Variants in CNTF observed in about 807,000 individuals in gnomAD.
CNTF encodes ciliary neurotrophic factor.
Under a neutral mutation model 13.0 loss-of-function variants are expected in CNTF, and 14 were observed. The observed-to-expected ratio is 1.07, with a 90% CI of 0.71 to 1.68. CNTF has a LOEUF of 1.68. Among genes scored for constraint, CNTF ranks in the 40% most tolerant of loss-of-function variants. The pLI is 0.00. For synonymous variants in CNTF, 98 were observed against 92.4 expected, an observed-to-expected ratio of 1.06 and a Z score of -0.35; for missense variants, 283 against 252.5, an observed-to-expected ratio of 1.12 and a Z score of -0.82.
At position 58,624,696 on chromosome 11, in the gene CNTF, T is replaced by G; in HGVS notation, c.*174T>G. ...AAGGACTACAGGTATTTTCATCAAG[T>G]AGCGTTGGAGACATACACAAATGGG... On this transcript the variant is annotated 3_prime_UTR_variant, in exon 2 of 2. Transcript: ENST00000361987. The G allele has an allele frequency of 1.4e-6, 1 of 702,242 alleles. No homozygotes were observed. Among genetic ancestry groups the G allele is most frequent in the African/African-American group, 1.8e-5 (1 of 55,786 alleles). The allele number at this position is 702,242 out of a possible 1,614,324, so 43.5% of individuals were successfully genotyped here.
chr11:58,624,050 T>C lies in CNTF; in HGVS notation c.131T>C (p.Leu44Pro). ...CTCGGCCAGGTGAAGCATCAGGGCC[T>C]GAACAAGAACATCAACCTGGACTCT... Reference protein sequence around the residue: ...LTESYVKHQGLNKNINLDSAD... With the variant: ...LTESYVKHQGPNKNINLDSAD... Residue 44 changes from leucine (L) to proline (P), a missense_variant, in exon 2 of 2, where the codon CTG (leucine) becomes CCG (proline). Transcript: ENST00000361987. 6.2e-7 allele frequency: 1 copy of C among 1,612,268 alleles called. No individual in the cohort carries two copies. Among genetic ancestry groups the C allele is most frequent in the Non-Finnish European group, 8.5e-7 (1 of 1,179,096 alleles).
rs1855897286 is a variant in CNTF at position 58,624,306 on chromosome 11, C to T, written c.387C>T (p.Leu129=). 1.2e-6 allele frequency: 2 copies of T among 1,613,650 alleles called. No individual in the cohort carries two copies. The highest frequency in any genetic ancestry group is 1.1e-5 in the South Asian group (1 of 91,050). The change falls in exon 2 of 2, where the codon CTC becomes CTT. Residue 129 remains leucine (L), a synonymous_variant. Transcript: ENST00000361987. The part of the protein sequence containing the change: ...FAYQIEELMI[L]LEYKIPRNEA... The stretch of plus-strand genomic sequence containing the variant: ...ACCAGATAGAGGAGTTAATGATACT[C>T]CTGGAATACAAGATCCCCCGCAATG...
In CNTF at chr11:58,624,625, A is replaced by G; in HGVS notation, c.*103A>G. ...TTAAATTTCTAAAAACAGTTAAGAC[A>G]ACAGGCATTTTCTTTCTTTTTTCTC... On this transcript the variant is annotated 3_prime_UTR_variant, in exon 2 of 2. Transcript: ENST00000361987. The G allele has an allele frequency of 7.1e-7, 1 of 1,408,706 alleles. No homozygotes were observed. Among genetic ancestry groups the G allele is most frequent in the Non-Finnish European group, 9.8e-7 (1 of 1,017,012 alleles). The allele number at this position is 1,408,706 out of a possible 1,614,324, so 87.3% of individuals were successfully genotyped here.
In CNTF at chr11:58,622,841, AC is replaced by A. The variant is rs2134433958; in HGVS notation, c.91del (p.Leu31Ter). 2 of 1,613,836 alleles carry A rather than the reference AC, an allele frequency of 1.2e-6. No homozygotes were observed. Among genetic ancestry groups the A allele is most frequent in the East Asian group, 4.5e-5 (2 of 44,878 alleles). ...SIWLARKIRS[D>X]LTALTESYVK... Reference sequence around the variant, plus strand: ...TGGCTAGCAAGGAAGATTCGTTCAGACCTGACTGCTCTTACGGAATCCTATG... The same window carrying A: ...TGGCTAGCAAGGAAGATTCGTTCAGACTGACTGCTCTTACGGAATCCTATG... On this transcript the variant is annotated frameshift_variant, in exon 1 of 2. Transcript: ENST00000361987. LOFTEE classifies it high-confidence loss of function.
At position 58,624,575 on chromosome 11, in the gene CNTF, T is replaced by C. The variant is rs1855903794; in HGVS notation, c.*53T>C. The C allele has an allele frequency of 6.3e-7, 1 of 1,595,740 alleles. No individual in the cohort carries two copies. The highest frequency in any genetic ancestry group is 1.7e-5 in the Admixed American group (1 of 59,434). Reference sequence around the variant, plus strand: ...TTCTCTTCTAATGGAATATGCGTAGTTCCCTGGGGCCTCGCTTTCCCATCT... The same window carrying C: ...TTCTCTTCTAATGGAATATGCGTAGCTCCCTGGGGCCTCGCTTTCCCATCT... On this transcript the variant is annotated 3_prime_UTR_variant, in exon 2 of 2. Transcript: ENST00000361987.
chr11:58,624,012 GT>G, intron 1 of CNTF, 21 bp from the exon 2 acceptor site: 1 of 1,609,566 alleles, frequency 6.2e-7, no homozygotes, highest in East Asian at 2.2e-5. Context: ...AAGATGTGGT[GT>G]TTTCCTGTAT....
intron 1 of CNTF, among the ~76,000 whole-genome samples, chr11:58,623,558 T>C (rs1855883953): frequency 6.6e-6 from 1 of 152,220 alleles, no homozygotes; most frequent in African/African-American, 2.4e-5. Flanking sequence ...AGAACTGATT[T>C]ATCTTTGTAC....
chr11:58,624,209 A>C lies in CNTF; in HGVS notation c.290A>C (p.His97Pro), dbSNP rs142784651. 47 of 1,613,938 alleles carry C rather than the reference A, an allele frequency of 2.9e-5. No homozygotes were observed. In the African/African-American group the frequency reaches 6.0e-4, roughly 21 times the overall value. Residue 97 changes from histidine to proline, a missense_variant, in exon 2 of 2, where the codon CAT (histidine) becomes CCT (proline). By Grantham distance (77) the His-to-Pro change is moderately conservative. Coordinates refer to ENST00000361987, the MANE Select transcript of CNTF (RefSeq NM_000614.4). ...AGGCTCTTAGAAGACCAGCAGGTGC[A>C]TTTTACCCCAACCGAAGGTGACTTC... is the stretch of plus-strand genomic sequence containing the variant. ...LARLLEDQQVHFTPTEGDFHQ... is the reference protein window; with the variant it reads ...LARLLEDQQVPFTPTEGDFHQ...
chr11:58,624,178 T>C lies in CNTF; in HGVS notation c.259T>C (p.Leu87=), dbSNP rs1855894296. The change falls in exon 2 of 2, where the codon TTG becomes CTG. Residue 87 remains leucine (L), a synonymous_variant. Transcript: ENST00000361987. The part of the protein sequence containing the change: ...LQAYRTFHVL[L]ARLLEDQQVH... ...AGCTTATCGTACCTTCCATGTTTTG[T>C]TGGCCAGGCTCTTAGAAGACCAGCA... 2 of 1,613,928 alleles carry C rather than the reference T, an allele frequency of 1.2e-6. No homozygotes were observed. Among genetic ancestry groups the C allele is most frequent in the African/African-American group, 2.7e-5 (2 of 74,874 alleles).
chr11:58,623,579 G>A (rs924105487), intron 1 of CNTF, among the ~76,000 whole-genome samples: 7 of 152,226 alleles, frequency 4.6e-5, no homozygotes, highest in African/African-American at 1.7e-4. Flanking sequence ...AGCCTCACCA[G>A]ACAGAAATCA....
intron 1 of CNTF, 144 bp downstream of exon 1, chr11:58,623,010 C>T: frequency 1.4e-6 from 1 of 712,202 alleles, no homozygotes; most frequent in Non-Finnish European, 2.5e-6. Flanking sequence ...GGGCCCTTCC[C>T]TTGAGGAAAC....
Position 58,622,797 on chromosome 11 carries a change from C to G in CNTF, c.45C>G (p.Asp15Glu). The change falls in exon 1 of 2, where the codon GAC (aspartate) becomes GAG (glutamate). Residue 15 changes from aspartate (D) to glutamate (E), a missense_variant. By Grantham distance (45) the Asp-to-Glu change is conservative (BLOSUM62 2). Coordinates refer to ENST00000361987, the MANE Select transcript of CNTF (RefSeq NM_000614.4). Reference sequence around the variant, plus strand: ...CACCGCTGACCCCTCACCGTCGGGACCTCTGTAGCCGCTCTATCTGGCTAG... The same window carrying G: ...CACCGCTGACCCCTCACCGTCGGGAGCTCTGTAGCCGCTCTATCTGGCTAG... Reference protein sequence around the residue: ...EHSPLTPHRRDLCSRSIWLAR... With the variant: ...EHSPLTPHRRELCSRSIWLAR... 1 of 1,614,020 alleles carries G rather than the reference C, an allele frequency of 6.2e-7. No homozygotes were observed. Among genetic ancestry groups the G allele is most frequent in the Non-Finnish European group, 8.5e-7 (1 of 1,179,940 alleles).
intron 1 of CNTF, among the ~76,000 whole-genome samples, chr11:58,623,462 A>G (rs999311444): frequency 6.6e-6 from 1 of 152,204 alleles, no homozygotes; most frequent in African/African-American, 2.4e-5. Context: ...TTTGTCTTCT[A>G]ACAGTAAGGG....
chr11:58,622,680 C>A lies in CNTF; in HGVS notation c.-73C>A. ...CAGTGGGTTTAGTCTTTGAGAGTCA[C>A]ATCTCTTATTTGGACCAGTATAGAC... On this transcript the variant is annotated 5_prime_UTR_variant, in exon 1 of 2. Coordinates refer to ENST00000361987, the MANE Select transcript of CNTF (RefSeq NM_000614.4). The A allele has an allele frequency of 1.8e-6, 2 of 1,093,950 alleles. No individual in the cohort carries two copies. Among genetic ancestry groups the A allele is most frequent in the Non-Finnish European group, 2.8e-6 (2 of 717,242 alleles). The allele number at this position is 1,093,950 out of a possible 1,614,324, so 67.8% of individuals were successfully genotyped here.
chr11:58,624,395 T>C lies in CNTF; in HGVS notation c.476T>C (p.Leu159Pro). Residue 159 changes from leucine to proline, a missense_variant, in exon 2 of 2, where the codon CTA becomes CCA. Leu to Pro is a moderately conservative substitution (Grantham distance 98, BLOSUM62 -3). Coordinates refer to ENST00000361987, the MANE Select transcript of CNTF (RefSeq NM_000614.4). ...GGLFEKKLWG[L>P]KVLQELSQWT... ...CTCTTTGAGAAGAAGCTGTGGGGCCTAAAGGTGCTGCAGGAGCTTTCACAG... is the reference window on the plus strand; with the variant it reads ...CTCTTTGAGAAGAAGCTGTGGGGCCCAAAGGTGCTGCAGGAGCTTTCACAG... The C allele has an allele frequency of 6.2e-7, 1 of 1,614,064 alleles. No individual in the cohort carries two copies. Among genetic ancestry groups the C allele is most frequent in the South Asian group, 1.1e-5 (1 of 91,068 alleles).
In CNTF at chr11:58,624,269, C is replaced by T. The variant is rs1855896494; in HGVS notation, c.350C>T (p.Ala117Val). 6.2e-7 allele frequency: 1 copy of T among 1,613,944 alleles called. No homozygotes were observed. The highest frequency in any genetic ancestry group is 1.3e-5 in the African/African-American group (1 of 74,948). Residue 117 changes from alanine to valine, a missense_variant, in exon 2 of 2, where the codon GCT becomes GTT. By Grantham distance (64) the Ala-to-Val change is moderately conservative. Coordinates refer to ENST00000361987, the MANE Select transcript of CNTF (RefSeq NM_000614.4). ...ATACATACCCTTCTTCTCCAAGTCG[C>T]TGCCTTTGCATACCAGATAGAGGAG... ...QAIHTLLLQV[A>V]AFAYQIEELM...
At position 58,622,850 on chromosome 11, in the gene CNTF, C is replaced by T. The variant is rs1855872544; in HGVS notation, c.98C>T (p.Ala33Val). The part of the protein sequence containing the change: ...LARKIRSDLT[A>V]LTESYVKHQG... ...AGGAAGATTCGTTCAGACCTGACTGCTCTTACGGAATCCTATGTAAGTTGC... is the reference window on the plus strand; with the variant it reads ...AGGAAGATTCGTTCAGACCTGACTGTTCTTACGGAATCCTATGTAAGTTGC... The change falls in exon 1 of 2, where the codon GCT becomes GTT. Residue 33 changes from alanine to valine, a missense_variant. By Grantham distance (64) the Ala-to-Val change is moderately conservative. Transcript: ENST00000361987. The T allele has an allele frequency of 6.2e-7, 1 of 1,613,262 alleles. No individual in the cohort carries two copies. The highest frequency in any genetic ancestry group is 1.1e-5 in the South Asian group (1 of 91,028).
rs377220397 is a variant in CNTF, at chr11:58,624,233, T to G, written c.314T>G (p.Phe105Cys). The G allele has an allele frequency of 2.5e-6, 4 of 1,613,830 alleles. No individual in the cohort carries two copies. The highest frequency in any genetic ancestry group is 3.4e-6 in the Non-Finnish European group (4 of 1,179,988). ...QVHFTPTEGDFHQAIHTLLLQ... is the reference protein window; with the variant it reads ...QVHFTPTEGDCHQAIHTLLLQ... ...CATTTTACCCCAACCGAAGGTGACT[T>G]CCATCAAGCTATACATACCCTTCTT... The change falls in exon 2 of 2, where the codon TTC becomes TGC. Residue 105 changes from phenylalanine to cysteine, a missense_variant. Transcript: ENST00000361987.
Position 58,624,700 on chromosome 11 carries a change from G to A in CNTF, c.*178G>A, listed in dbSNP as rs972297373. On this transcript the variant is annotated 3_prime_UTR_variant, in exon 2 of 2. Transcript: ENST00000361987. The stretch of plus-strand genomic sequence containing the variant: ...ACTACAGGTATTTTCATCAAGTAGC[G>A]TTGGAGACATACACAAATGGGCATA... The A allele has an allele frequency of 7.7e-5, 52 of 673,558 alleles. No individual in the cohort carries two copies. The highest frequency in any genetic ancestry group is 7.3e-4 in the Admixed American group (26 of 35,480). The allele number at this position is 673,558 out of a possible 1,614,324, so 41.7% of individuals were successfully genotyped here.
Sources: gnomAD v4.1 joint callset for allele counts (sites outside exome capture counted in the v4.1 genomes callset) on GRCh38, gnomAD v4.1.1 for gene constraint, MANE v1.5 for transcripts, NCBI Gene and HGNC (gene_info 2026-07-23, HGNC 2026-07-21) for gene names.